ZNF670: variants seen among roughly 807,000 people sequenced by gnomAD.
ZNF670 encodes the protein zinc finger protein 670.
ZNF670 carries 7 observed loss-of-function variants against 10.9 expected under a neutral mutation model. That is an observed-to-expected ratio of 0.64 (90% CI 0.36 to 1.20). The LOEUF (loss-of-function observed/expected upper bound fraction) is 1.20. Among genes scored for constraint, ZNF670 ranks in the 50% most tolerant of loss-of-function variants. ZNF670 has a pLI of 0.02. For synonymous variants in ZNF670, 136 were observed against 152.7 expected (o/e 0.89, Z 0.81); for missense variants, 446 against 458.6 (o/e 0.97, Z 0.25).
At chr1:247,052,617 TCTCTG>T (rs1469368259) in intron 1 of ZNF670, among the ~76,000 whole-genome samples, 3 of 152,158 alleles carry the variant, frequency 2.0e-5, no homozygotes, top group Non-Finnish European at 4.4e-5. Context: ...AGACTCAGAA[TCTCTG>T]GTTAGCCAGG....
chr1:247,041,201 CAG>C lies in ZNF670; in HGVS notation c.4-1666_4-1665del, dbSNP rs552947437. On this transcript the variant is annotated intron_variant, in intron 1 of 3. Coordinates refer to ENST00000366503, the MANE Select transcript of ZNF670 (RefSeq NM_033213.5). ...AATACGTTCAGACTTCGAAGGAAAACAGGGGTATTTTTGGACAGAAAAATGGG... is the reference window on the plus strand; with the variant it reads ...AATACGTTCAGACTTCGAAGGAAAACGGGTATTTTTGGACAGAAAAATGGG... Among the ~76,000 whole-genome samples, 622 of 152,022 alleles carry C rather than the reference CAG, an allele frequency of 4.1e-3. 2 individuals are homozygous for C. Among genetic ancestry groups the C allele is most frequent in the Middle Eastern group, 0.014 (4 of 294 alleles).
In ZNF670 at chr1:247,070,172, G is replaced by A. The variant is rs149694572; in HGVS notation, c.3+8422C>T. On this transcript the variant is annotated intron_variant, in intron 1 of 3. Coordinates refer to ENST00000366503, the MANE Select transcript of ZNF670 (RefSeq NM_033213.5). ...TAAAAAAATTAAGAAAAAAAACATC[G>A]ATTAAAGACTTAAATGTGGCCAGGC... Among the ~76,000 whole-genome samples the A allele has an allele frequency of 1.7e-3, 260 of 151,916 alleles. 2 individuals carry two copies. Among genetic ancestry groups the A allele is most frequent in the African/African-American group, 6.0e-3 (247 of 41,424 alleles).
At chr1:247,066,470 T>A (rs1217549586) in intron 1 of ZNF670, among the ~76,000 whole-genome samples, 1 of 152,180 alleles carries the variant, frequency 6.6e-6, no homozygotes, top group East Asian at 1.9e-4. Flanking sequence ...CCCAGAGGTT[T>A]GGTGCAGTAT....
chr1:247,040,143 A>C (rs1402441900), intron 1 of ZNF670, among the ~76,000 whole-genome samples: 1 of 152,206 alleles, frequency 6.6e-6, no homozygotes. Context: ...CTGAGCATTA[A>C]GTCTCTAATG....
intron 2 of ZNF670, 152 bp downstream of exon 2, chr1:247,039,259 C>T: frequency 1.3e-6 from 1 of 765,256 alleles, no homozygotes; most frequent in Non-Finnish European, 1.9e-6. Context: ...TGGGGTTTCA[C>T]CATGTTGGCC....
intron 1 of ZNF670, among the ~76,000 whole-genome samples, chr1:247,051,608 G>C (rs189401424): frequency 5.9e-5 from 9 of 152,214 alleles, no homozygotes; most frequent in African/African-American, 2.2e-4. Context: ...ATCTTTTTGT[G>C]ATACATTTTC....
At chr1:247,043,544 G>A in intron 1 of ZNF670, 1 of 672,266 alleles carries the variant, frequency 1.5e-6, no homozygotes, top group East Asian at 4.5e-5. Context: ...AACAATTCAG[G>A]ATGAACTTCA....
chr1:247,039,373 T>A, intron 2 of ZNF670, 38 bp downstream of exon 2: 1 of 1,593,638 alleles, frequency 6.3e-7, no homozygotes, highest in Non-Finnish European at 8.5e-7. Flanking sequence ...AACACTTGCG[T>A]TGTAATCAAC....
chr1:247,078,712 C>A lies in ZNF670; in HGVS notation c.-116G>T. 1 of 1,163,228 alleles carries A rather than the reference C, an allele frequency of 8.6e-7. No individual in the cohort carries two copies. Among genetic ancestry groups the A allele is most frequent in the Non-Finnish European group, 1.2e-6 (1 of 806,264 alleles). 72.1% of individuals were successfully genotyped at this position (1,163,228 alleles called of 1,614,324 possible). A position where few individuals can be genotyped will look rare whatever the true frequency, so the allele number is the denominator to read the frequency against. On this transcript the variant is annotated 5_prime_UTR_variant, in exon 1 of 4. Coordinates refer to ENST00000366503, the MANE Select transcript of ZNF670 (RefSeq NM_033213.5). ...ACCTCCCAGGGATAAGGGGAAGGAG[C>A]AGCGGAGACGCACCGAGCTCGCCAC...
At chr1:247,057,945 T>C (rs928585659) in intron 1 of ZNF670, among the ~76,000 whole-genome samples, 1 of 152,172 alleles carries the variant, frequency 6.6e-6, no homozygotes, top group African/African-American at 2.4e-5. Context: ...ACAGGATGAT[T>C]ACAGTCAAAT....
In ZNF670 at chr1:247,038,872, T is replaced by C. The variant is rs772277886; in HGVS notation, c.131-2A>G. On this transcript the variant is annotated splice_acceptor_variant, in intron 2 of 3. Transcript: ENST00000366503. LOFTEE classifies it high-confidence loss of function. Reference sequence around the variant, plus strand: ...TATTCTGGTCTTCTGATTTGTTTCCTAAAAGGTACAACCATAAGATTATTC... The same window carrying C: ...TATTCTGGTCTTCTGATTTGTTTCCCAAAAGGTACAACCATAAGATTATTC... The C allele has an allele frequency of 2.5e-6, 4 of 1,609,850 alleles. No individual in the cohort carries two copies. The Admixed American group carries it at 6.7e-5, about 27-fold the overall frequency.
intron 1 of ZNF670, among the ~76,000 whole-genome samples, chr1:247,072,811 T>TAC (rs1558348383): frequency 2.2e-5 from 1 of 45,576 alleles, no homozygotes. Context: ...TGTGTATATA[T>TAC]ATATATATAT....
intron 1 of ZNF670, among the ~76,000 whole-genome samples, chr1:247,049,241 G>A (rs373184196): frequency 7.0e-4 from 106 of 151,994 alleles, no homozygotes; most frequent in Middle Eastern, 6.8e-3. Flanking sequence ...GGAATTACAG[G>A]AATGTGTCAC....
chr1:247,040,504 C>T (rs1670278038), intron 1 of ZNF670, among the ~76,000 whole-genome samples: 1 of 151,640 alleles, frequency 6.6e-6, no homozygotes, highest in South Asian at 2.1e-4. Flanking sequence ...ACTACTTTTC[C>T]AAACCTAACA....
intron 1 of ZNF670, among the ~76,000 whole-genome samples, chr1:247,074,809 ACCT>A (rs10609970): frequency 0.12 from 17,628 of 152,142 alleles, 1,143 homozygotes; most frequent in South Asian, 0.19. Context: ...CCTGCTGCTC[ACCT>A]CCTGCTGCAT....
rs202030910 is a variant in ZNF670 at position 247,039,371 on chromosome 1, C to T, written c.130+40G>A. On this transcript the variant is annotated intron_variant, in intron 2 of 3. Coordinates refer to ENST00000366503, the MANE Select transcript of ZNF670 (RefSeq NM_033213.5). ...CCACCACGCCCAGCCAAAACACTTG[C>T]GTTGTAATCAACTACGTGAATAAGT... The T allele has an allele frequency of 2.0e-5, 32 of 1,591,410 alleles. No individual in the cohort carries two copies. The Admixed American group carries it at 2.1e-4, about 11-fold the overall frequency.
intron 1 of ZNF670, among the ~76,000 whole-genome samples, chr1:247,057,370 C>A (rs1670744681): frequency 1.3e-5 from 2 of 152,144 alleles, no homozygotes; most frequent in South Asian, 2.1e-4. Flanking sequence ...GATAAGGGAA[C>A]CCTGGTATAG....
At chr1:247,075,975 C>T (rs1438768060) in intron 1 of ZNF670, among the ~76,000 whole-genome samples, 3 of 152,152 alleles carry the variant, frequency 2.0e-5, no homozygotes, top group African/African-American at 7.2e-5. Flanking sequence ...AATCCACCTC[C>T]TTCTTGTCTC....
In ZNF670 at chr1:247,060,238, T is replaced by C. The variant is rs76657436; in HGVS notation, c.3+18356A>G. The stretch of plus-strand genomic sequence containing the variant: ...GACACTAAGACTTAATGTAAAGCTA[T>C]AGTAATCAAGACAGTGCAATATTTG... On this transcript the variant is annotated intron_variant, in intron 1 of 3. Transcript: ENST00000366503. Among the ~76,000 whole-genome samples, 239 of 152,218 alleles carry C rather than the reference T, an allele frequency of 1.6e-3. 10 individuals are homozygous for C. In the East Asian group the frequency reaches 0.041, roughly 26 times the overall value.
Sources: gnomAD v4.1 joint callset for allele counts (sites outside exome capture counted in the v4.1 genomes callset) on GRCh38, gnomAD v4.1.1 for gene constraint, MANE v1.5 for transcripts, NCBI Gene and HGNC (gene_info 2026-07-23, HGNC 2026-07-21) for gene names.